The following DMD variants were observed in gnomAD, a reference collection of about 807,000 sequenced individuals.
DMD encodes the protein dystrophin.
A neutral mutation model predicts 330.1 loss-of-function variants in DMD; 63 were observed. The ratio of observed to expected loss-of-function variants is 0.19; its 90% CI spans 0.16 to 0.24. The LOEUF (loss-of-function observed/expected upper bound fraction) is 0.24. DMD is among the 10% of genes least tolerant of loss of function. The probability of loss-of-function intolerance (pLI) is 1.00; values close to 1 mark genes in which losing one functional copy is unlikely to be tolerated. For missense variants in DMD, 3,344 were observed against 2,684.1 expected (o/e 1.25, Z -5.43); for synonymous variants, 1,223 against 959.8 (o/e 1.27, Z -5.07).
intron 41 of DMD, among the ~76,000 whole-genome samples, chrX:32,319,972 T>C (rs377483651): frequency 2.7e-5 from 3 of 110,829 alleles, no homozygotes; most frequent in East Asian, 5.7e-4. Flanking sequence ...ATAGCAATCT[T>C]TTTGTATGTT....
At chrX:32,686,539 A>G (rs1418926984) in intron 9 of DMD, among the ~76,000 whole-genome samples, 1 of 99,658 alleles carries the variant, frequency 1.0e-5, no homozygotes, top group African/African-American at 3.8e-5. Context: ...AGCCGGGGCA[A>G]CAGAGCAAAA....
intron 48 of DMD, among the ~76,000 whole-genome samples, chrX:31,840,153 C>CT (rs2149506488): frequency 9.0e-6 from 1 of 111,713 alleles, no homozygotes; most frequent in African/African-American, 3.2e-5. Flanking sequence ...TTTGATCTAA[C>CT]TTTTGTTTTC....
chrX:33,005,979 G>T (rs1431603989), intron 2 of DMD, among the ~76,000 whole-genome samples: 1 of 111,223 alleles, frequency 9.0e-6, no homozygotes, highest in Non-Finnish European at 1.9e-5. Flanking sequence ...AATTTGAAAT[G>T]TAAAACACAA....
intron 52 of DMD, among the ~76,000 whole-genome samples, chrX:31,696,342 A>G (rs1226624091): frequency 8.9e-6 from 1 of 112,216 alleles, no homozygotes; most frequent in Non-Finnish European, 1.9e-5. Flanking sequence ...ATATGGATGA[A>G]TCTCACAAAC....
At chrX:32,206,476 AG>A in intron 44 of DMD, 1 of 554,347 alleles carries the variant, frequency 1.8e-6, no homozygotes, top group African/African-American at 2.2e-5. Context: ...AATGCACAAA[AG>A]TCAAATCGGA....
intron 44 of DMD, among the ~76,000 whole-genome samples, chrX:32,134,199 A>G (rs148142290): frequency 1.8e-5 from 2 of 110,765 alleles, no homozygotes; most frequent in African/African-American, 6.6e-5. Context: ...GTCTTTCACT[A>G]TTTGAGACCC....
chrX:32,348,565 A>T lies in DMD; in HGVS notation c.5326-37T>A, dbSNP rs1363624945. 1.1e-5 allele frequency: 13 copies of T among 1,134,549 alleles called. No individual in the cohort carries two copies. The East Asian group carries it at 3.8e-4, about 33-fold the overall frequency. 93.5% of individuals were successfully genotyped at this position (1,134,549 alleles called of 1,213,427 possible). On this transcript the variant is annotated intron_variant, in intron 37 of 78. Coordinates refer to ENST00000357033, the MANE Select transcript of DMD (RefSeq NM_004006.3). ...GATAGTGCTACTTTAAATCAAAATT[A>T]CTTTTTATTAGAAACATAAACCAAA...
chrX:31,605,714 A>T (rs1479671365), intron 55 of DMD, among the ~76,000 whole-genome samples: 1 of 111,463 alleles, frequency 9.0e-6, no homozygotes, highest in Non-Finnish European at 1.9e-5. Flanking sequence ...AATACCAGGT[A>T]CAGATAATTT....
chrX:31,794,223 A>G (rs1233714782), intron 50 of DMD, among the ~76,000 whole-genome samples: 1 of 111,269 alleles, frequency 9.0e-6, no homozygotes, highest in Non-Finnish European at 1.9e-5. Context: ...CTCTATTCAT[A>G]TCCTTTCTGA....
chrX:32,702,916 A>G (rs950216679), intron 7 of DMD, among the ~76,000 whole-genome samples: 2 of 111,713 alleles, frequency 1.8e-5, no homozygotes, highest in African/African-American at 6.5e-5. Flanking sequence ...GAAGAGGACG[A>G]AAGAGGACAC....
chrX:32,702,049 A>C (rs1032158537), intron 7 of DMD, among the ~76,000 whole-genome samples: 1 of 112,128 alleles, frequency 8.9e-6, no homozygotes, highest in Admixed American at 9.5e-5. Context: ...GTCTTCTAAA[A>C]TATTTTGAAT....
At chrX:32,738,725 A>C (rs1033787783) in intron 7 of DMD, among the ~76,000 whole-genome samples, 4 of 111,761 alleles carry the variant, frequency 3.6e-5, no homozygotes, top group Non-Finnish European at 3.8e-5. Flanking sequence ...GAACATCCAT[A>C]ATAACACAAG....
chrX:31,579,750 G>A (rs988919865), intron 55 of DMD, among the ~76,000 whole-genome samples: 20 of 112,167 alleles, frequency 1.8e-4, no homozygotes, highest in Admixed American at 5.7e-4. Flanking sequence ...ACAATGGAGC[G>A]TATATTTGTT....
chrX:31,934,908 T>C (rs750968768), intron 45 of DMD, among the ~76,000 whole-genome samples: 1 of 112,396 alleles, frequency 8.9e-6, no homozygotes, highest in Non-Finnish European at 1.9e-5. Context: ...ATTTTAATCA[T>C]TGACAATTCT....
At chrX:31,742,419 C>T (rs1249164086) in intron 51 of DMD, among the ~76,000 whole-genome samples, 2 of 111,676 alleles carry the variant, frequency 1.8e-5, no homozygotes, top group Non-Finnish European at 3.8e-5. Flanking sequence ...CCCATGAACA[C>T]TTAGAGGACA....
chrX:32,265,199 G>A (rs1025422032), intron 43 of DMD, among the ~76,000 whole-genome samples: 1 of 111,739 alleles, frequency 8.9e-6, no homozygotes, highest in African/African-American at 3.3e-5. Context: ...GCAGCCTAGG[G>A]ACTAGGTGCC....
In DMD at chrX:31,363,768, C is replaced by T. The variant is rs141725323; in HGVS notation, c.9085-15134G>A. 8.2e-3 allele frequency among the ~76,000 whole-genome samples: 915 copies of T among 112,038 alleles called. 10 individuals are homozygous for T. The highest frequency in any genetic ancestry group is 0.028 in the African/African-American group (853 of 30,853). Reference sequence around the variant, plus strand: ...ATTTTTTGTTGTGCTATCTATCCCACGAATTATAGAGAATGCCTAGCAGCA... The same window carrying T: ...ATTTTTTGTTGTGCTATCTATCCCATGAATTATAGAGAATGCCTAGCAGCA... On this transcript the variant is annotated intron_variant, in intron 60 of 78. Transcript: ENST00000357033.
At chrX:32,711,314 T>G (rs1302149607) in intron 7 of DMD, among the ~76,000 whole-genome samples, 2 of 111,181 alleles carry the variant, frequency 1.8e-5, no homozygotes, top group Non-Finnish European at 3.8e-5. Context: ...GGGCCTGTCT[T>G]TCCTGATGAC....
intron 55 of DMD, among the ~76,000 whole-genome samples, chrX:31,579,326 T>C (rs765787820): frequency 8.9e-6 from 1 of 112,391 alleles, no homozygotes; most frequent in African/African-American, 3.2e-5. Flanking sequence ...AAGCTTCAGA[T>C]TGTGTGATAA....
Sources: gnomAD v4.1 joint callset for allele counts (sites outside exome capture counted in the v4.1 genomes callset) on GRCh38, gnomAD v4.1.1 for gene constraint, MANE v1.5 for transcripts, NCBI Gene and HGNC (gene_info 2026-07-23, HGNC 2026-07-21) for gene names.